NT5C2: variants seen among roughly 807,000 people sequenced by gnomAD.
The protein encoded by NT5C2 is 5'-nucleotidase, cytosolic II, also known as cytosolic purine 5'-nucleotidase.
NT5C2 carries 58 observed loss-of-function variants against 76.1 expected under a neutral mutation model. The ratio of observed to expected loss-of-function variants is 0.76; its 90% CI spans 0.62 to 0.95. The LOEUF (loss-of-function observed/expected upper bound fraction) is 0.95, where lower values mean the gene tolerates loss of function less well. Among genes scored for constraint, NT5C2 ranks in the 40% least tolerant of loss-of-function variants. The pLI, the probability that NT5C2 is intolerant of heterozygous loss-of-function variation, is 0.00. For synonymous variants in NT5C2, 229 were observed against 237.4 expected (o/e 0.96, Z 0.32); for missense variants, 478 against 690.3 (o/e 0.69, Z 3.45).
intron 16 of NT5C2, 95 bp downstream of exon 16, chr10:103,091,469 C>T: frequency 2.0e-6 from 2 of 978,850 alleles, no homozygotes; most frequent in Admixed American, 1.9e-5. Flanking sequence ...CCTCAGCCTC[C>T]CAAATAGCTG....
At chr10:103,170,276 C>CTGCA (rs1452427060) in intron 3 of NT5C2, among the ~76,000 whole-genome samples, 1 of 152,194 alleles carries the variant, frequency 6.6e-6, no homozygotes, top group East Asian at 1.9e-4. Flanking sequence ...CACTACTGCA[C>CTGCA]TGCAGCCTAG....
intron 1 of NT5C2, among the ~76,000 whole-genome samples, chr10:103,183,243 TATATATATGTGTGTGTGTG>T (rs1327790842): frequency 1.6e-5 from 2 of 127,692 alleles, no homozygotes; most frequent in Non-Finnish European, 3.3e-5. Context: ...AAAGGAGATA[TATATATATGTGTGTGTGTG>T]ATATATATAT....
At chr10:103,113,518 A>G (rs1439387019) in intron 4 of NT5C2, among the ~76,000 whole-genome samples, 1 of 152,162 alleles carries the variant, frequency 6.6e-6, no homozygotes, top group African/African-American at 2.4e-5. Flanking sequence ...AAAAATAAAA[A>G]CAGATCACAG....
intron 8 of NT5C2, 56 bp from the exon 9 acceptor site, chr10:103,100,075 T>C (rs1406125822): frequency 1.6e-6 from 2 of 1,214,130 alleles, no homozygotes; most frequent in Middle Eastern, 1.9e-4. Flanking sequence ...AAACAAAATA[T>C]ATATCAAAAA....
At chr10:103,128,703 C>T (rs1331686860) in intron 4 of NT5C2, among the ~76,000 whole-genome samples, 4 of 40,510 alleles carry the variant, frequency 9.9e-5, no homozygotes, top group African/African-American at 4.1e-4. Context: ...ATGTGGGGAG[C>T]GCCTCTGCCC....
chr10:103,164,883 T>C (rs750629464), intron 3 of NT5C2, among the ~76,000 whole-genome samples: 1 of 152,226 alleles, frequency 6.6e-6, no homozygotes, highest in Non-Finnish European at 1.5e-5. Flanking sequence ...TTCTTAATTT[T>C]ACTGTTAGAT....
chr10:103,156,018 T>C (rs2083296019), intron 3 of NT5C2, among the ~76,000 whole-genome samples: 1 of 151,914 alleles, frequency 6.6e-6, no homozygotes, highest in Non-Finnish European at 1.5e-5. Context: ...ATTTAAAAAT[T>C]AGCCAGGTAT....
intron 1 of NT5C2, among the ~76,000 whole-genome samples, chr10:103,187,551 TA>T (rs769511019): frequency 0.027 from 2,350 of 85,758 alleles, 19 homozygotes; most frequent in Middle Eastern, 0.079. Flanking sequence ...GAATCCATCT[TA>T]AAAAAAAAAA....
intron 1 of NT5C2, among the ~76,000 whole-genome samples, chr10:103,189,479 G>A (rs778208470): frequency 6.6e-5 from 10 of 151,094 alleles, no homozygotes; most frequent in Admixed American, 1.3e-4. Context: ...GGTGGCACAC[G>A]CCTTTAGTCC....
chr10:103,139,363 A>G (rs1367555814), intron 4 of NT5C2, 43 bp downstream of exon 4: 4 of 1,352,188 alleles, frequency 3.0e-6, no homozygotes, highest in Non-Finnish European at 4.1e-6. Flanking sequence ...ACTGTGTTAT[A>G]CCCAAAGCAG....
At chr10:103,101,712 A>C (rs1037609742) in intron 6 of NT5C2, among the ~76,000 whole-genome samples, 6 of 152,128 alleles carry the variant, frequency 3.9e-5, no homozygotes, top group African/African-American at 1.4e-4. Flanking sequence ...TATAATTATA[A>C]GGTAAAAAAT....
In NT5C2 at chr10:103,090,958, C is replaced by G; in HGVS notation, c.1250G>C (p.Ser417Thr). 1 of 1,614,028 alleles carries G rather than the reference C, an allele frequency of 6.2e-7. No homozygotes were observed. The highest frequency in any genetic ancestry group is 1.3e-5 in the African/African-American group (1 of 75,040). ...TACCTTAATACGTCTCTGGATGGAA[C>G]TGATGTCTGGACGCTCATTGCTACT... is the stretch of plus-strand genomic sequence containing the variant. ...DSSSNERPDI[S>T]SIQRRIKKVT... Residue 417 changes from serine (S) to threonine (T), a missense_variant, in exon 17 of 19, where the codon AGT (serine) becomes ACT (threonine). Transcript: ENST00000404739.
chr10:103,122,243 TTTAAGA>T (rs1158653292), intron 4 of NT5C2, among the ~76,000 whole-genome samples: 1 of 152,250 alleles, frequency 6.6e-6, no homozygotes, highest in Non-Finnish European at 1.5e-5. Context: ...TTAACGAAGC[TTTAAGA>T]TTATTTCTAA....
chr10:103,131,391 T>A (rs1192774547), intron 4 of NT5C2, among the ~76,000 whole-genome samples: 1 of 152,232 alleles, frequency 6.6e-6, no homozygotes, highest in Non-Finnish European at 1.5e-5. Flanking sequence ...TGAAATATAA[T>A]CATCAATGTG....
chr10:103,094,122 C>T, intron 13 of NT5C2, 84 bp from the exon 14 acceptor site: 1 of 1,060,324 alleles, frequency 9.4e-7, no homozygotes. Flanking sequence ...ATCCCACCCC[C>T]CACCACCAGT....
At chr10:103,176,860 T>A (rs1364951886) in intron 2 of NT5C2, among the ~76,000 whole-genome samples, 1 of 152,200 alleles carries the variant, frequency 6.6e-6, no homozygotes, top group Admixed American at 6.5e-5. Flanking sequence ...AGCTTGTACA[T>A]CAAATGTGTC....
chr10:103,105,387 T>C (rs1409886141), intron 6 of NT5C2: 8 of 970,512 alleles, frequency 8.2e-6, no homozygotes, highest in Non-Finnish European at 1.1e-5. Flanking sequence ...GAGAACTGTA[T>C]TAGAAAGAAG....
chr10:103,159,846 TAG>T (rs2084374111), intron 3 of NT5C2, among the ~76,000 whole-genome samples: 1 of 152,116 alleles, frequency 6.6e-6, no homozygotes, highest in Non-Finnish European at 1.5e-5. Context: ...AAGTTATATA[TAG>T]AGAGAGTCAA....
chr10:103,179,054 T>C (rs2090604163), intron 2 of NT5C2, among the ~76,000 whole-genome samples: 1 of 151,272 alleles, frequency 6.6e-6, no homozygotes, highest in South Asian at 2.1e-4. Context: ...GTTCAAGCGA[T>C]TCTCCTGCCT....
Sources: allele counts gnomAD v4.1 joint callset (sites outside exome capture counted in the v4.1 genomes callset), GRCh38; gene constraint gnomAD v4.1.1; transcripts MANE v1.5; gene names NCBI Gene and HGNC (gene_info 2026-07-23, HGNC 2026-07-21).